The following TMEM63C variants were observed in gnomAD, a reference collection of about 807,000 sequenced individuals.
TMEM63C encodes osmosensitive cation channel TMEM63C.
TMEM63C carries 32 observed loss-of-function variants against 99.2 expected under a neutral mutation model. The ratio of observed to expected loss-of-function variants is 0.32; its 90% CI spans 0.24 to 0.43. TMEM63C has a LOEUF of 0.43. TMEM63C is among the 20% of genes least tolerant of loss of function. The pLI, the probability that TMEM63C is intolerant of heterozygous loss-of-function variation, is 1.00. For synonymous variants in TMEM63C, 376 were observed against 397.9 expected, an observed-to-expected ratio of 0.94 and a Z score of 0.66; for missense variants, 826 against 1,053.0, an observed-to-expected ratio of 0.78 and a Z score of 2.98.
At chr14:77,188,607 G>T (rs1303038873) in intron 1 of TMEM63C, among the ~76,000 whole-genome samples, 1 of 152,150 alleles carries the variant, frequency 6.6e-6, no homozygotes, top group South Asian at 2.1e-4. Context: ...TGTGGCTCAC[G>T]CCTGTAATCC....
intron 6 of TMEM63C, among the ~76,000 whole-genome samples, chr14:77,231,316 A>G (rs1594862284): frequency 6.6e-6 from 1 of 152,090 alleles, no homozygotes; most frequent in East Asian, 1.9e-4. Context: ...CTATTTCAAG[A>G]GTGTTTCTGG....
intron 1 of TMEM63C, among the ~76,000 whole-genome samples, chr14:77,183,898 G>T (rs1031326720): frequency 2.0e-5 from 3 of 152,144 alleles, no homozygotes; most frequent in African/African-American, 7.2e-5. Context: ...GAAACCACAT[G>T]GTATGTGTCC....
chr14:77,251,908 C>A lies in TMEM63C; in HGVS notation c.2148+10C>A. The A allele has an allele frequency of 6.3e-7, 1 of 1,598,264 alleles. No individual in the cohort carries two copies. The highest frequency in any genetic ancestry group is 8.6e-7 in the Non-Finnish European group (1 of 1,165,600). On this transcript the variant is annotated intron_variant, in intron 22 of 23. Transcript: ENST00000298351. ...GGTTGCCGACTACGAGGTGAGTTGC[C>A]AGCCTGCCCCTCCTCCTGGTTCTCT...
rs778233191 is a variant in TMEM63C, at chr14:77,251,879, G to A, written c.2129G>A (p.Arg710Gln). ...GTTGGCATTTTTCTGGGGAAGCTTC[G>A]GATGGTTGCCGACTACGAGGTGAGT... ...AFVGIFLGKL[R>Q]MVADYEPEEE... is the part of the protein sequence containing the mutation. Residue 710 changes from arginine (R) to glutamine (Q), a missense_variant, in exon 22 of 24, where the codon CGG becomes CAG. Transcript: ENST00000298351. 37 of 1,613,682 alleles carry A rather than the reference G, an allele frequency of 2.3e-5. No individual in the cohort carries two copies. Among genetic ancestry groups the A allele is most frequent in the African/African-American group, 8.0e-5 (6 of 74,902 alleles).
chr14:77,224,510 C>G (rs922269736), intron 5 of TMEM63C, among the ~76,000 whole-genome samples: 12 of 152,080 alleles, frequency 7.9e-5, no homozygotes, highest in African/African-American at 2.9e-4. Context: ...GAAGCAGGCA[C>G]CAGAGTAACT....
chr14:77,191,012 G>T (rs968108799), intron 1 of TMEM63C, among the ~76,000 whole-genome samples: 4 of 152,034 alleles, frequency 2.6e-5, no homozygotes, highest in Non-Finnish European at 5.9e-5. Context: ...AATAATAAAA[G>T]AATATACCAA....
chr14:77,248,376 T>G lies in TMEM63C; in HGVS notation c.1631T>G (p.Phe544Cys). The change falls in exon 19 of 24, where the codon TTC (phenylalanine) becomes TGC (cysteine). Residue 544 changes from phenylalanine (F) to cysteine (C), a missense_variant. Phe to Cys is a radical substitution (Grantham distance 205). Transcript: ENST00000298351. ...QCVFLPDNGA[F>C]FVNYVITAAL... Reference sequence around the variant, plus strand: ...GTGTTCCTGCCAGACAACGGCGCCTTCTTTGTCAACTACGTGATCACGGCA... The same window carrying G: ...GTGTTCCTGCCAGACAACGGCGCCTGCTTTGTCAACTACGTGATCACGGCA... The G allele has an allele frequency of 1.2e-6, 2 of 1,611,682 alleles. No individual in the cohort carries two copies. The highest frequency in any genetic ancestry group is 8.5e-7 in the Non-Finnish European group (1 of 1,178,888).
rs200932204 is a variant in TMEM63C, at chr14:77,245,917, A to G, written c.1449-23A>G. The G allele has an allele frequency of 1.5e-5, 24 of 1,585,320 alleles. No individual in the cohort carries two copies. The East Asian group carries it at 5.1e-4, about 34-fold the overall frequency. ...TCTTATTAGGCCACGTCCATTGATG[A>G]ATATCTCTCTGTTTCCTTCTAGATC... On this transcript the variant is annotated intron_variant, in intron 16 of 23. Coordinates refer to ENST00000298351, the MANE Select transcript of TMEM63C (RefSeq NM_020431.4).
At chr14:77,215,658 A>G (rs1319152671) in intron 2 of TMEM63C, among the ~76,000 whole-genome samples, 4 of 151,434 alleles carry the variant, frequency 2.6e-5, no homozygotes, top group Non-Finnish European at 5.9e-5. Flanking sequence ...GTAAGGACAG[A>G]ACACTCACTG....
At chr14:77,186,829 G>A (rs1032917016) in intron 1 of TMEM63C, among the ~76,000 whole-genome samples, 7 of 151,952 alleles carry the variant, frequency 4.6e-5, no homozygotes, top group Non-Finnish European at 8.8e-5. Context: ...GTCTGTGTGT[G>A]TCTGTGTGGT....
chr14:77,216,070 T>C (rs537819485), intron 2 of TMEM63C, among the ~76,000 whole-genome samples: 1 of 140,560 alleles, frequency 7.1e-6, no homozygotes, highest in Non-Finnish European at 1.6e-5. Context: ...GAGAGGGAGA[T>C]AGAGAGAGAG....
At chr14:77,193,118 C>A (rs1888138345) in intron 1 of TMEM63C, among the ~76,000 whole-genome samples, 1 of 152,132 alleles carries the variant, frequency 6.6e-6, no homozygotes, top group Admixed American at 6.5e-5. Context: ...TGGACACAGA[C>A]AAGTCACAGA....
At chr14:77,225,341 TGAC>T in intron 5 of TMEM63C, 80 bp from the exon 6 acceptor site, 1 of 1,404,618 alleles carries the variant, frequency 7.1e-7, no homozygotes, top group South Asian at 1.3e-5. Context: ...CTGCCTCAGA[TGAC>T]CTGGCCGCCT....
chr14:77,219,950 G>A, intron 4 of TMEM63C, 56 bp from the exon 5 acceptor site: 1 of 1,505,802 alleles, frequency 6.6e-7, no homozygotes, highest in Non-Finnish European at 9.0e-7. Flanking sequence ...AGCAGGGCAG[G>A]CAGCTGAGAA....
intron 1 of TMEM63C, chr14:77,201,216 T>A (rs1333232320): frequency 6.6e-6 from 1 of 152,226 alleles, no homozygotes; most frequent in Non-Finnish European, 1.5e-5. Flanking sequence ...GTGCTCCCAG[T>A]ACTCCTTGAA....
chr14:77,194,384 A>G (rs74959558), intron 1 of TMEM63C, among the ~76,000 whole-genome samples: 19,022 of 70,762 alleles, frequency 0.27, 1,654 homozygotes, highest in South Asian at 0.46. Flanking sequence ...GTGTGTGTGT[A>G]TGTTCATATT....
chr14:77,207,371 C>T (rs1208520470), intron 1 of TMEM63C, among the ~76,000 whole-genome samples: 1 of 152,204 alleles, frequency 6.6e-6, no homozygotes, highest in Non-Finnish European at 1.5e-5. Flanking sequence ...TGAAATTCCT[C>T]ATTCATAAGA....
At chr14:77,192,058 G>A (rs1888120031) in intron 1 of TMEM63C, among the ~76,000 whole-genome samples, 1 of 152,044 alleles carries the variant, frequency 6.6e-6, no homozygotes, top group Non-Finnish European at 1.5e-5. Flanking sequence ...TTATGTAATA[G>A]CCTCCTTTGT....
chr14:77,199,864 A>G (rs1421226155), intron 1 of TMEM63C, among the ~76,000 whole-genome samples: 1 of 152,236 alleles, frequency 6.6e-6, no homozygotes, highest in Non-Finnish European at 1.5e-5. Context: ...CACTCAGACA[A>G]CGAAGGCAGA....
Sources: gnomAD v4.1 joint callset for allele counts (sites outside exome capture counted in the v4.1 genomes callset) on GRCh38, gnomAD v4.1.1 for gene constraint, MANE v1.5 for transcripts, NCBI Gene and HGNC (gene_info 2026-07-23, HGNC 2026-07-21) for gene names.